Variants in CFHR4 observed in about 807,000 individuals in gnomAD.
CFHR4 encodes complement factor H related 4.
A neutral mutation model predicts 69.3 loss-of-function variants in CFHR4; 64 were observed. The observed-to-expected ratio is 0.92, with a 90% confidence interval of 0.76 to 1.14. CFHR4 has a LOEUF of 1.14. CFHR4 is among the 50% of genes most tolerant of loss of function. The pLI, the probability that CFHR4 is intolerant of heterozygous loss-of-function variation, is 0.00. For missense variants in CFHR4, 636 were observed against 684.9 expected, an observed-to-expected ratio of 0.93 and a Z score of 0.80; for synonymous variants, 244 against 237.0, an observed-to-expected ratio of 1.03 and a Z score of -0.27.
intron 1 of CFHR4, among the ~76,000 whole-genome samples, chr1:196,894,936 T>C (rs1418453374): frequency 6.6e-6 from 1 of 151,146 alleles, no homozygotes; most frequent in Non-Finnish European, 1.5e-5. Context: ...GAAATGCACC[T>C]GTAGTCCCAG....
chr1:196,891,201 A>G (rs919906788), intron 1 of CFHR4, among the ~76,000 whole-genome samples: 1 of 151,570 alleles, frequency 6.6e-6, no homozygotes, highest in Non-Finnish European at 1.5e-5. Context: ...GCAGTGAGCC[A>G]AGATCACTCT....
chr1:196,902,392 T>C (rs1657663298), intron 1 of CFHR4, 26 bp from the exon 2 acceptor site: 1 of 1,439,562 alleles, frequency 6.9e-7, no homozygotes, highest in Non-Finnish European at 9.7e-7. Context: ...ACATTATTTA[T>C]ACTGTTTTTT....
At position 196,890,344 on chromosome 1, in the gene CFHR4, C is replaced by G. The variant is rs1656956247; in HGVS notation, c.58+2136C>G. 1.3e-5 allele frequency among the ~76,000 whole-genome samples: 2 copies of G among 151,418 alleles called. 1 individual carries two copies. The highest frequency in any genetic ancestry group is 2.9e-5 in the Non-Finnish European group (2 of 67,918). On this transcript the variant is annotated intron_variant, in intron 1 of 9. Coordinates refer to ENST00000608469, the MANE Select transcript of CFHR4 (RefSeq NM_001201550.3). ...TTTGTGAGTTGCCTATGCTAAGAAA[C>G]TTTGTTTTTAATGGTAGTTGATGTT...
chr1:196,908,647 A>T (rs1658053080), intron 5 of CFHR4, among the ~76,000 whole-genome samples: 1 of 151,478 alleles, frequency 6.6e-6, no homozygotes, highest in Admixed American at 6.6e-5. Flanking sequence ...ATGAGCCAAA[A>T]TAATTATGGC....
chr1:196,907,380 A>G lies in CFHR4; in HGVS notation c.681A>G (p.Gln227=), dbSNP rs746860509. ...ISNGDTTSFP[Q]KVYLPWSRVE... ...ATGGAGATACCACGTCCTTCCCGCA[A>G]AAAGTGTATCTGCCATGGTCAAGAG... The change falls in exon 5 of 10, where the codon CAA becomes CAG. Residue 227 remains glutamine (Q), a synonymous_variant. Transcript: ENST00000608469. 5.0e-6 allele frequency: 8 copies of G among 1,612,120 alleles called. 1 individual carries two copies. In the Admixed American group the frequency reaches 5.0e-5, roughly 10 times the overall value.
Position 196,914,587 on chromosome 1 carries a change from G to C in CFHR4, c.1273G>C (p.Asp425His), listed in dbSNP as rs374426095. The part of the protein sequence containing the change: ...LHDTLDYECY[D>H]GYEISYGNTT... Reference sequence around the variant, plus strand: ...TGACACATTGGACTACGAATGCTACGATGGATATGAAATCAGTTATGGAAA... The same window carrying C: ...TGACACATTGGACTACGAATGCTACCATGGATATGAAATCAGTTATGGAAA... Residue 425 changes from aspartate to histidine, a missense_variant, in exon 8 of 10, where the codon GAT becomes CAT. Around this residue, in one of 3 missense-constraint regions of CFHR4, gnomAD observed 529 missense variants for 533.2 expected, o/e 0.99. Coordinates refer to ENST00000608469, the MANE Select transcript of CFHR4 (RefSeq NM_001201550.3). The C allele has an allele frequency of 3.3e-5, 53 of 1,611,608 alleles. No homozygotes were observed. The highest frequency in any genetic ancestry group is 5.4e-5 in the African/African-American group (4 of 74,350).
intron 1 of CFHR4, among the ~76,000 whole-genome samples, chr1:196,900,757 C>T (rs1414870526): frequency 6.6e-6 from 1 of 151,026 alleles, no homozygotes; most frequent in East Asian, 1.9e-4. Flanking sequence ...TACAAATATC[C>T]AAACAGTGGT....
At chr1:196,898,522 G>T (rs182030523) in intron 1 of CFHR4, among the ~76,000 whole-genome samples, 1 of 151,602 alleles carries the variant, frequency 6.6e-6, no homozygotes, top group African/African-American at 2.4e-5. Context: ...TTATACAGAT[G>T]GATGTGTGTA....
intron 1 of CFHR4, among the ~76,000 whole-genome samples, chr1:196,889,801 T>C (rs1351357563): frequency 6.6e-6 from 1 of 151,326 alleles, no homozygotes; most frequent in Non-Finnish European, 1.5e-5. Context: ...GTAATTAAGT[T>C]AAAGGTCAAT....
intron 1 of CFHR4, among the ~76,000 whole-genome samples, chr1:196,891,050 G>C (rs1485488366): frequency 6.6e-6 from 1 of 151,186 alleles, no homozygotes; most frequent in Admixed American, 6.6e-5. Context: ...CAGGAGTTTG[G>C]GACCAGCCTG....
intron 5 of CFHR4, 95 bp from the exon 6 acceptor site, chr1:196,910,184 ATT>A: frequency 2.8e-6 from 2 of 705,414 alleles, no homozygotes; most frequent in Non-Finnish European, 4.2e-6. Context: ...AAAAAAAAAC[ATT>A]ATTTGGAAGG....
chr1:196,916,250 GA>G (rs771511279), intron 9 of CFHR4, among the ~76,000 whole-genome samples: 8 of 151,452 alleles, frequency 5.3e-5, no homozygotes, highest in Non-Finnish European at 1.2e-4. Flanking sequence ...AAACCTAAAA[GA>G]AAACTTGCCA....
intron 1 of CFHR4, among the ~76,000 whole-genome samples, chr1:196,890,414 G>A (rs57050675): frequency 0.2 from 30,816 of 151,298 alleles, 4,874 homozygotes; most frequent in African/African-American, 0.41. Context: ...CTATTTGAAA[G>A]ATAAACTTGA....
chr1:196,906,809 G>A (rs1657928816), intron 3 of CFHR4, 52 bp from the exon 4 acceptor site: 2 of 1,545,492 alleles, frequency 1.3e-6, no homozygotes, highest in Admixed American at 2.1e-5. Flanking sequence ...TCTTAGTCGA[G>A]TTGTACATCA....
At chr1:196,914,455 A>G in intron 7 of CFHR4, 40 bp from the exon 8 acceptor site, 1 of 1,583,592 alleles carries the variant, frequency 6.3e-7, no homozygotes, top group Non-Finnish European at 8.6e-7. Context: ...TGTGCATCGT[A>G]TGGCATAGAA....
intron 1 of CFHR4, among the ~76,000 whole-genome samples, chr1:196,895,263 T>C (rs1279841111): frequency 1.3e-5 from 2 of 151,382 alleles, no homozygotes; most frequent in African/African-American, 4.9e-5. Flanking sequence ...TAAATTAAAG[T>C]TTGATTATAA....
At chr1:196,905,354 T>G (rs1280959165) in intron 3 of CFHR4, 64 bp downstream of exon 3, 1 of 1,581,710 alleles carries the variant, frequency 6.3e-7, no homozygotes, top group Non-Finnish European at 8.6e-7. Flanking sequence ...GAGGTGATAG[T>G]GTTTTACAGA....
At chr1:196,889,673 C>T (rs534126994) in intron 1 of CFHR4, among the ~76,000 whole-genome samples, 3 of 151,668 alleles carry the variant, frequency 2.0e-5, no homozygotes, top group East Asian at 1.9e-4. Context: ...TAGTGAGAAA[C>T]ATCTTTGTGA....
intron 7 of CFHR4, among the ~76,000 whole-genome samples, 161 bp from the exon 8 acceptor site, chr1:196,914,334 T>A (rs1658452036): frequency 6.6e-6 from 1 of 151,614 alleles, no homozygotes; most frequent in South Asian, 2.1e-4. Flanking sequence ...TGTAATTAAC[T>A]ATTATAGCAC....
Sources: allele counts gnomAD v4.1 joint callset (sites outside exome capture counted in the v4.1 genomes callset), GRCh38; gene constraint gnomAD v4.1.1; regional missense constraint gnomAD v4.1.1; transcripts MANE v1.5; gene names NCBI Gene and HGNC (gene_info 2026-07-23, HGNC 2026-07-21).